Variants in ZNF124 observed in about 807,000 individuals in gnomAD.
ZNF124 encodes the protein zinc finger protein HZF-16.
A neutral mutation model predicts 26.6 loss-of-function variants in ZNF124; 25 were observed. That is an observed-to-expected ratio of 0.94 (90% CI 0.68 to 1.31). The LOEUF (loss-of-function observed/expected upper bound fraction) is 1.31, where lower values mean the gene tolerates loss of function less well. ZNF124 is among the 40% of genes most tolerant of loss of function. ZNF124 has a pLI of 0.00. For synonymous variants in ZNF124, 129 were observed against 133.3 expected (o/e 0.97, Z 0.22); for missense variants, 444 against 422.2 (o/e 1.05, Z -0.45).
At chr1:247,170,728 G>C (rs1336215816) in intron 1 of ZNF124, among the ~76,000 whole-genome samples, 1 of 143,048 alleles carries the variant, frequency 7.0e-6, no homozygotes. Context: ...TGACCAAGCA[G>C]GGGGTACATA....
At chr1:247,141,801 C>T (rs1039813796) in intron 3 of ZNF124, among the ~76,000 whole-genome samples, 6 of 152,200 alleles carry the variant, frequency 3.9e-5, no homozygotes, top group Non-Finnish European at 8.8e-5. Context: ...ATATCTCAGT[C>T]CCCAGGAGAC....
intron 3 of ZNF124, among the ~76,000 whole-genome samples, chr1:247,137,507 A>AAAAAAAAAAAAC (rs1672514520): frequency 6.9e-6 from 1 of 143,980 alleles, no homozygotes; most frequent in Admixed American, 7.1e-5. Flanking sequence ...AAAAAAAAAA[A>AAAAAAAAAAAAC]AAAGAAAGAA....
At chr1:247,163,284 CAAAAAAACCA>C (rs1007916972) in intron 1 of ZNF124, among the ~76,000 whole-genome samples, 1 of 148,652 alleles carries the variant, frequency 6.7e-6, no homozygotes, top group African/African-American at 2.5e-5. Flanking sequence ...TAGCAGAAGA[CAAAAAAACCA>C]AAATCAGAGA....
At chr1:247,127,672 C>T (rs1404164661) in intron 3 of ZNF124, among the ~76,000 whole-genome samples, 1 of 148,562 alleles carries the variant, frequency 6.7e-6, no homozygotes, top group African/African-American at 2.5e-5. Context: ...TGTTCTGTTC[C>T]GTTCTGATTG....
chr1:247,144,133 G>A (rs749617917), intron 3 of ZNF124, among the ~76,000 whole-genome samples: 1 of 152,152 alleles, frequency 6.6e-6, no homozygotes, highest in Non-Finnish European at 1.5e-5. Flanking sequence ...GATTCAGAAA[G>A]ACAAAAAGTT....
At chr1:247,146,283 T>C (rs1014375966) in intron 3 of ZNF124, among the ~76,000 whole-genome samples, 1 of 152,242 alleles carries the variant, frequency 6.6e-6, no homozygotes, top group Non-Finnish European at 1.5e-5. Context: ...CCACCAAAGA[T>C]AGATTCCGAT....
chr1:247,146,510 A>T (rs191222018), intron 3 of ZNF124, among the ~76,000 whole-genome samples: 4 of 152,222 alleles, frequency 2.6e-5, no homozygotes, highest in African/African-American at 9.6e-5. Flanking sequence ...CATTAGTGTA[A>T]CCTGCAGTGG....
chr1:247,164,586 T>TG (rs1470397586), intron 1 of ZNF124, among the ~76,000 whole-genome samples: 3 of 149,534 alleles, frequency 2.0e-5, no homozygotes, highest in Admixed American at 6.7e-5. Context: ...AAGATGCTGC[T>TG]GGGAAAAAAA....
chr1:247,138,895 C>T, intron 3 of ZNF124: 1 of 394,404 alleles, frequency 2.5e-6, no homozygotes. Flanking sequence ...CAAAGTTAAC[C>T]CTCTGCTCAC....
In ZNF124 at chr1:247,125,430, CTTTTTTTTTTTTTT is replaced by C. The variant is rs71566695; in HGVS notation, c.219-1573_219-1560del. Among the ~76,000 whole-genome samples the C allele has an allele frequency of 4.3e-3, 185 of 43,306 alleles. 4 individuals are homozygous for C. The highest frequency in any genetic ancestry group is 0.011 in the African/African-American group (133 of 12,084). 28.4% of individuals were successfully genotyped at this position (43,306 alleles called of 152,430 possible). A position where few individuals can be genotyped will look rare whatever the true frequency, so the allele number is the denominator to read the frequency against. On this transcript the variant is annotated intron_variant, in intron 3 of 3. Transcript: ENST00000472531. ...TATCTTCACCGACACCTGTTTTTGT[CTTTTTTTTTTTTTT>C]TTTTTTTTTTTTTTTTTTGAGGCAG...
At chr1:247,167,718 G>A (rs764273030) in intron 1 of ZNF124, among the ~76,000 whole-genome samples, 4 of 152,078 alleles carry the variant, frequency 2.6e-5, no homozygotes, top group Non-Finnish European at 5.9e-5. Flanking sequence ...TGAACAAATG[G>A]CACCTAATTA....
intron 3 of ZNF124, among the ~76,000 whole-genome samples, chr1:247,131,013 T>C (rs541695324): frequency 2.6e-5 from 4 of 152,236 alleles, no homozygotes; most frequent in Admixed American, 1.3e-4. Flanking sequence ...GAGGTGGAGA[T>C]TGCAGTGAGC....
At chr1:247,147,037 A>G (rs1179071051) in intron 3 of ZNF124, among the ~76,000 whole-genome samples, 1 of 152,094 alleles carries the variant, frequency 6.6e-6, no homozygotes, top group Non-Finnish European at 1.5e-5. Flanking sequence ...TAGGAAACAT[A>G]GTGGAAATTC....
rs1672794394 is a variant in ZNF124, at chr1:247,146,887, G to C, written c.218+12119C>G. The stretch of plus-strand genomic sequence containing the variant: ...TGGCATCAAGGCAGAATTTCTACTA[G>C]AACAGGTACCGGGGGGTAGCTTCTG... On this transcript the variant is annotated intron_variant, in intron 3 of 3. Coordinates refer to the ZNF124 transcript ENST00000472531. Among the ~76,000 whole-genome samples the C allele has an allele frequency of 2.0e-5, 3 of 151,858 alleles. No individual in the cohort carries two copies. In the South Asian group the frequency reaches 6.2e-4, roughly 31 times the overall value.
In ZNF124 at chr1:247,159,345, C is replaced by T. The variant is rs1673344260; in HGVS notation, c.158-279G>A. ...AAGCAAGTTTAGCTCCCAAGAATTG[C>T]TCTTATTTTCTTGCTGTGATCCCTT... On this transcript the variant is annotated intron_variant, in intron 2 of 3. Coordinates refer to ENST00000543802, the MANE Select transcript of ZNF124 (RefSeq NM_001297568.2). Among the ~76,000 whole-genome samples, 3 of 152,206 alleles carry T rather than the reference C, an allele frequency of 2.0e-5. No individual in the cohort carries two copies. In the South Asian group the frequency reaches 6.2e-4, roughly 31 times the overall value.
chr1:247,137,505 A>G (rs1241053521), intron 3 of ZNF124, among the ~76,000 whole-genome samples: 2 of 146,770 alleles, frequency 1.4e-5, no homozygotes, highest in African/African-American at 5.2e-5. Context: ...AAAAAAAAAA[A>G]AAAAAGAAAG....
intron 3 of ZNF124, 178 bp from the exon 4 acceptor site, chr1:247,157,581 C>T: frequency 3.2e-6 from 2 of 634,576 alleles, no homozygotes; most frequent in Non-Finnish European, 5.7e-6. Flanking sequence ...AAATGACAAC[C>T]CCATCATTAA....
At chr1:247,151,350 G>C (rs1393751313), downstream of ZNF124, among the ~76,000 whole-genome samples, 1 of 152,024 alleles carries the variant, frequency 6.6e-6, no homozygotes, top group Non-Finnish European at 1.5e-5. Flanking sequence ...GTGGTGGCGG[G>C]CGCCTGTAGT....
At position 247,155,175 on chromosome 1, in the gene ZNF124, T is replaced by C. The variant is rs1673057160; in HGVS notation, c.*1391A>G. ...CAATGTAAAGAACAACAGATGAAAA[T>C]AATAATTCACGTGAGAATATACTCT... On this transcript the variant is annotated 3_prime_UTR_variant, in exon 4 of 4. Transcript: ENST00000543802. Among the ~76,000 whole-genome samples, 1 of 152,108 alleles carries C rather than the reference T, an allele frequency of 6.6e-6. No homozygotes were observed. The highest frequency in any genetic ancestry group is 2.1e-4 in the South Asian group (1 of 4,832).
Sources: gnomAD v4.1 joint callset for allele counts (sites outside exome capture counted in the v4.1 genomes callset) on GRCh38, gnomAD v4.1.1 for gene constraint, MANE v1.5 for transcripts, NCBI Gene and HGNC (gene_info 2026-07-23, HGNC 2026-07-21) for gene names.